CSMD2: variants seen among roughly 807,000 people sequenced by gnomAD.
CSMD2 encodes CUB and sushi domain-containing protein 2.
In CSMD2, 130 loss-of-function variants were observed where a neutral mutation model predicts 398.5. The observed-to-expected ratio is 0.33, with a 90% CI of 0.28 to 0.38. CSMD2 has a LOEUF of 0.38. CSMD2 is among the 10% of genes least tolerant of loss of function. CSMD2 has a pLI of 1.00. For missense variants in CSMD2, 3,829 were observed against 4,764.9 expected (o/e 0.80, Z 5.78); for synonymous variants, 1,828 against 1,908.5 (o/e 0.96, Z 1.10).
chr1:33,555,993 G>C (rs939032444), intron 55 of CSMD2, among the ~76,000 whole-genome samples: 2 of 151,892 alleles, frequency 1.3e-5, no homozygotes, highest in Non-Finnish European at 2.9e-5. Flanking sequence ...GACTTTGATG[G>C]GTTCAAGACT....
intron 65 of CSMD2, among the ~76,000 whole-genome samples, chr1:33,526,956 C>T (rs529644818): frequency 3.4e-4 from 52 of 152,346 alleles, no homozygotes; most frequent in African/African-American, 1.2e-3. Flanking sequence ...AGTTCCAGAG[C>T]TTCCAGTTGG....
intron 1 of CSMD2, among the ~76,000 whole-genome samples, chr1:34,108,305 A>G (rs1213222537): frequency 6.6e-6 from 1 of 152,186 alleles, no homozygotes; most frequent in Non-Finnish European, 1.5e-5. Flanking sequence ...CAAAACCCTA[A>G]CATAGTGCCA....
Position 33,624,710 on chromosome 1 carries a change from C to T in CSMD2, c.5501-67G>A. ...CGTGGGAGCCTTCCCAAGCTGACTC[C>T]TCCCTCATGGCCCCCAGCCTCTGTT... is the stretch of plus-strand genomic sequence containing the variant. On this transcript the variant is annotated intron_variant, in intron 34 of 70. Coordinates refer to ENST00000373381, the MANE Select transcript of CSMD2 (RefSeq NM_001281956.2). This position sits in a 1 kb window ranked among gnomAD's most constrained non-coding sequence, Gnocchi z 4.7. 1 of 1,566,676 alleles carries T rather than the reference C, an allele frequency of 6.4e-7. No homozygotes were observed.
intron 3 of CSMD2, among the ~76,000 whole-genome samples, chr1:33,961,510 G>A (rs1397204171): frequency 2.0e-5 from 3 of 152,206 alleles, no homozygotes; most frequent in African/African-American, 7.2e-5. Context: ...GATAGGCCTG[G>A]GCATCCACCT....
intron 10 of CSMD2, among the ~76,000 whole-genome samples, chr1:33,810,329 G>A (rs796823447): frequency 1.3e-5 from 2 of 152,190 alleles, no homozygotes; most frequent in South Asian, 4.1e-4. Flanking sequence ...ACATTTATAT[G>A]AAGTTCAAAC....
chr1:33,604,003 G>C (rs1044490758), intron 42 of CSMD2, among the ~76,000 whole-genome samples: 1 of 152,180 alleles, frequency 6.6e-6, no homozygotes, highest in African/African-American at 2.4e-5. Flanking sequence ...CTAACCTAAG[G>C]GTCATGTGTG....
chr1:34,001,779 T>C (rs1294828893), intron 3 of CSMD2, among the ~76,000 whole-genome samples: 2 of 152,154 alleles, frequency 1.3e-5, no homozygotes, highest in Non-Finnish European at 2.9e-5. Flanking sequence ...ATATAAATGT[T>C]ATAGATCTTG....
At position 33,586,618 on chromosome 1, in the gene CSMD2, C is replaced by A; in HGVS notation, c.6938-1G>T. The A allele has an allele frequency of 6.2e-7, 1 of 1,604,010 alleles. No individual in the cohort carries two copies. Among genetic ancestry groups the A allele is most frequent in the Non-Finnish European group, 8.5e-7 (1 of 1,171,128 alleles). On this transcript the variant is annotated splice_acceptor_variant, in intron 45 of 70. Coordinates refer to ENST00000373381, the MANE Select transcript of CSMD2 (RefSeq NM_001281956.2). LOFTEE classifies it high-confidence loss of function. Reference sequence around the variant, plus strand: ...AGGCATCTGTAGCGTACGATGTCACCTGTCAAAGAAAGACCAACATGTAGA... The same window carrying A: ...AGGCATCTGTAGCGTACGATGTCACATGTCAAAGAAAGACCAACATGTAGA...
In CSMD2 at chr1:34,141,489, T is replaced by C. The variant is rs148681187; in HGVS notation, c.187+23422A>G. ...GGTTGAGGAAACCTCTCCAAGGAGGTGACGTTGGAACAAGAATTTATTGAA... is the reference window on the plus strand; with the variant it reads ...GGTTGAGGAAACCTCTCCAAGGAGGCGACGTTGGAACAAGAATTTATTGAA... On this transcript the variant is annotated intron_variant, in intron 1 of 70. Transcript: ENST00000373381. 7.2e-3 allele frequency among the ~76,000 whole-genome samples: 1,098 copies of C among 152,052 alleles called. 24 individuals carry two copies. Among genetic ancestry groups the C allele is most frequent in the African/African-American group, 0.025 (1,046 of 41,460 alleles).
At chr1:34,145,997 C>G (rs943439460) in intron 1 of CSMD2, among the ~76,000 whole-genome samples, 5 of 152,198 alleles carry the variant, frequency 3.3e-5, no homozygotes, top group African/African-American at 1.2e-4. Flanking sequence ...AGGTGGAAAG[C>G]TCCATTCAGC....
intron 5 of CSMD2, among the ~76,000 whole-genome samples, chr1:33,916,873 G>C (rs1012778169): frequency 6.6e-6 from 1 of 152,152 alleles, no homozygotes; most frequent in Non-Finnish European, 1.5e-5. Context: ...CTCAACTGGT[G>C]TTCCTACCGC....
In CSMD2 at chr1:33,607,572, A is replaced by G. The variant is rs190257728; in HGVS notation, c.6344-2102T>C. ...GGGAGAGTTATTTGGGCCTATCACA[A>G]ATGATGAGGCCTCTGTGGGAATACT... On this transcript the variant is annotated intron_variant, in intron 41 of 70. Transcript: ENST00000373381. 3.3e-3 allele frequency among the ~76,000 whole-genome samples: 499 copies of G among 152,364 alleles called. 3 individuals carry two copies. Among genetic ancestry groups the G allele is most frequent in the Non-Finnish European group, 5.3e-3 (360 of 68,036 alleles).
intron 26 of CSMD2, among the ~76,000 whole-genome samples, chr1:33,659,760 T>C (rs1329188800): frequency 6.6e-6 from 1 of 152,208 alleles, no homozygotes. Context: ...TGGGATTGTA[T>C]ACGAGTCTTG....
At chr1:33,802,893 C>T (rs1462255629) in intron 10 of CSMD2, among the ~76,000 whole-genome samples, 3 of 152,234 alleles carry the variant, frequency 2.0e-5, no homozygotes, top group African/African-American at 7.2e-5. Flanking sequence ...TAAACACATG[C>T]CCCAAAGTAA....
chr1:33,930,289 G>A (rs1369045629), intron 4 of CSMD2, among the ~76,000 whole-genome samples: 3 of 152,182 alleles, frequency 2.0e-5, no homozygotes, highest in Non-Finnish European at 4.4e-5. Flanking sequence ...GAGGGGTTTA[G>A]CAGCACCCCT....
intron 1 of CSMD2, among the ~76,000 whole-genome samples, chr1:34,154,029 C>A (rs1049240549): frequency 2.0e-5 from 3 of 152,116 alleles, no homozygotes; most frequent in Non-Finnish European, 4.4e-5. Context: ...AAAACTTCTA[C>A]AAATCAACCG....
intron 29 of CSMD2, among the ~76,000 whole-genome samples, chr1:33,644,789 G>C (rs1009451475): frequency 6.6e-6 from 1 of 152,146 alleles, no homozygotes; most frequent in Non-Finnish European, 1.5e-5. Context: ...GAATTCCAAA[G>C]TGTCTGACTG....
At chr1:33,846,812 G>T in intron 6 of CSMD2, 72 bp downstream of exon 6, 1 of 899,366 alleles carries the variant, frequency 1.1e-6, no homozygotes, top group African/African-American at 1.7e-5. Context: ...CCAGTAGGGA[G>T]AGGTGATGAG....
intron 25 of CSMD2, among the ~76,000 whole-genome samples, chr1:33,679,578 TC>T (rs1644835563): frequency 1.3e-5 from 2 of 152,196 alleles, no homozygotes; most frequent in African/African-American, 4.8e-5. Context: ...GGCTGTAATT[TC>T]AATCTATCAA....
Sources: gnomAD v4.1 joint callset for allele counts (sites outside exome capture counted in the v4.1 genomes callset) on GRCh38, gnomAD v4.1.1 for gene constraint, Gnocchi (gnomAD v3.1) non-coding constraint, MANE v1.5 for transcripts, NCBI Gene and HGNC (gene_info 2026-07-23, HGNC 2026-07-21) for gene names.